B3GALT1: variants seen among roughly 807,000 people sequenced by gnomAD.
The protein encoded by B3GALT1 is UDP-Gal:betaGlcNAc beta 1,3-galactosyltransferase, polypeptide 1.
A neutral mutation model predicts 23.2 loss-of-function variants in B3GALT1; 10 were observed. That is an observed-to-expected ratio of 0.43 (90% CI 0.27 to 0.73). B3GALT1 has a LOEUF of 0.73. Ranked by LOEUF, B3GALT1 falls within the 30% of genes least tolerant of loss-of-function variation. The probability of loss-of-function intolerance (pLI) is 0.21; values close to 1 mark genes in which losing one functional copy is unlikely to be tolerated. For synonymous variants in B3GALT1, 156 were observed against 141.5 expected, an observed-to-expected ratio of 1.10 and a Z score of -0.73; for missense variants, 299 against 405.4, an observed-to-expected ratio of 0.74 and a Z score of 2.25.
intron 1 of B3GALT1, among the ~76,000 whole-genome samples, chr2:167,402,645 A>G (rs1698211691): frequency 6.6e-6 from 1 of 152,184 alleles, no homozygotes; most frequent in South Asian, 2.1e-4. Context: ...TAAATAAGGC[A>G]TAGGGAGTTA....
intron 2 of B3GALT1, among the ~76,000 whole-genome samples, chr2:167,576,054 T>C (rs1036566081): frequency 2.0e-5 from 3 of 151,788 alleles, no homozygotes; most frequent in African/African-American, 7.2e-5. Context: ...GTTAGGACTA[T>C]GGTTCTCAAA....
intron 1 of B3GALT1, among the ~76,000 whole-genome samples, chr2:167,395,946 C>T (rs1345879273): frequency 6.6e-6 from 1 of 152,070 alleles, no homozygotes; most frequent in Non-Finnish European, 1.5e-5. Context: ...AAAAACTACA[C>T]CAATAACCAT....
chr2:167,729,065 G>A (rs1406349059), intron 3 of B3GALT1, among the ~76,000 whole-genome samples: 1 of 152,144 alleles, frequency 6.6e-6, no homozygotes, highest in African/African-American at 2.4e-5. Flanking sequence ...TGTTATATGT[G>A]TTTCAGTACA....
chr2:167,401,918 C>T (rs758801678), intron 1 of B3GALT1, among the ~76,000 whole-genome samples: 9 of 152,126 alleles, frequency 5.9e-5, no homozygotes, highest in South Asian at 4.2e-4. Flanking sequence ...GCTTGAATGC[C>T]GTAACTGGAG....
chr2:167,677,321 T>C (rs1415956700), intron 3 of B3GALT1, among the ~76,000 whole-genome samples: 1 of 152,188 alleles, frequency 6.6e-6, no homozygotes, highest in African/African-American at 2.4e-5. Flanking sequence ...ATATACACAA[T>C]AAGACTTAAA....
At chr2:167,648,656 T>C (rs745879045) in intron 3 of B3GALT1, among the ~76,000 whole-genome samples, 2 of 152,180 alleles carry the variant, frequency 1.3e-5, no homozygotes, top group Non-Finnish European at 2.9e-5. Context: ...TGGGTGCTTT[T>C]AGTGGCATTT....
intron 1 of B3GALT1, among the ~76,000 whole-genome samples, chr2:167,479,721 T>G (rs563615629): frequency 6.6e-6 from 1 of 152,176 alleles, no homozygotes; most frequent in African/African-American, 2.4e-5. Flanking sequence ...CCCAATGGGT[T>G]TTTCTTGCCT....
chr2:167,463,753 A>G (rs1169617248), intron 1 of B3GALT1, among the ~76,000 whole-genome samples: 1 of 152,222 alleles, frequency 6.6e-6, no homozygotes, highest in Admixed American at 6.5e-5. Context: ...GCAAAGTGTA[A>G]GACCAAATGT....
At chr2:167,519,003 A>T (rs1287749265) in intron 2 of B3GALT1, among the ~76,000 whole-genome samples, 1 of 152,226 alleles carries the variant, frequency 6.6e-6, no homozygotes, top group Non-Finnish European at 1.5e-5. Flanking sequence ...TGAAAGGAGA[A>T]TGAGGATATG....
chr2:167,818,816 G>A (rs1432229744), intron 4 of B3GALT1, among the ~76,000 whole-genome samples, 23 bp downstream of exon 4: 3 of 152,078 alleles, frequency 2.0e-5, no homozygotes, highest in Non-Finnish European at 4.4e-5. Context: ...CCAGGTAGGC[G>A]AGAAACACGT....
intron 2 of B3GALT1, among the ~76,000 whole-genome samples, chr2:167,521,376 C>A (rs1700185190): frequency 6.6e-6 from 1 of 152,084 alleles, no homozygotes; most frequent in Non-Finnish European, 1.5e-5. Context: ...AAACTGTAGC[C>A]TACTTTTTCC....
intron 4 of B3GALT1, among the ~76,000 whole-genome samples, chr2:167,867,137 A>C (rs900041913): frequency 2.0e-5 from 3 of 152,128 alleles, no homozygotes; most frequent in African/African-American, 7.2e-5. Context: ...CGTTTTAGCC[A>C]GGATGGTCTC....
At chr2:167,736,732 T>C (rs1223624934) in intron 3 of B3GALT1, among the ~76,000 whole-genome samples, 1 of 152,066 alleles carries the variant, frequency 6.6e-6, no homozygotes, top group Non-Finnish European at 1.5e-5. Flanking sequence ...CGAAACCCTG[T>C]TTCTACTAAA....
chr2:167,743,765 A>G (rs1268284447), intron 3 of B3GALT1, among the ~76,000 whole-genome samples: 1 of 152,128 alleles, frequency 6.6e-6, no homozygotes, highest in Non-Finnish European at 1.5e-5. Flanking sequence ...GTTTTTACAA[A>G]GAAACAACTT....
chr2:167,468,099 A>T (rs1273833468), intron 1 of B3GALT1, among the ~76,000 whole-genome samples: 1 of 152,174 alleles, frequency 6.6e-6, no homozygotes, highest in African/African-American at 2.4e-5. Context: ...GTGAAAGAGC[A>T]TATTTTTCTG....
chr2:167,374,171 A>C (rs192459773), intron 1 of B3GALT1, among the ~76,000 whole-genome samples: 1 of 152,174 alleles, frequency 6.6e-6, no homozygotes, highest in African/African-American at 2.4e-5. Context: ...AGCTGCGTCC[A>C]TGCAGCTGGC....
At chr2:167,411,376 A>C (rs1698388191) in intron 1 of B3GALT1, among the ~76,000 whole-genome samples, 1 of 29,084 alleles carries the variant, frequency 3.4e-5, no homozygotes, top group African/African-American at 8.0e-5. Flanking sequence ...CAAACAAAAA[A>C]CCAAAAAAAA....
At chr2:167,488,627 A>G (rs942574963) in intron 1 of B3GALT1, among the ~76,000 whole-genome samples, 7 of 152,218 alleles carry the variant, frequency 4.6e-5, no homozygotes, top group African/African-American at 1.4e-4. Context: ...ACAATAAAGT[A>G]TACAGATTTT....
intron 1 of B3GALT1, among the ~76,000 whole-genome samples, chr2:167,445,457 C>T (rs1399660655): frequency 1.3e-5 from 2 of 152,166 alleles, no homozygotes; most frequent in South Asian, 2.1e-4. Flanking sequence ...CTAATGTTGA[C>T]AGTGGGGTGT....
Sources: allele counts gnomAD v4.1 joint callset (sites outside exome capture counted in the v4.1 genomes callset), GRCh38; gene constraint gnomAD v4.1.1; transcripts MANE v1.5; gene names NCBI Gene and HGNC (gene_info 2026-07-23, HGNC 2026-07-21).